Variants in CSMD1 observed in about 807,000 individuals in gnomAD.
The protein encoded by CSMD1 is CUB and sushi domain-containing protein 1.
Under a neutral mutation model 417.5 loss-of-function variants are expected in CSMD1, and 213 were observed. The ratio of observed to expected loss-of-function variants is 0.51; its 90% CI spans 0.46 to 0.57. CSMD1 has a LOEUF of 0.57. Ranked by LOEUF, CSMD1 falls within the 20% of genes least tolerant of loss-of-function variation. The pLI is 0.00. For missense variants in CSMD1, 6,923 were observed against 4,529.7 expected, an observed-to-expected ratio of 1.53 and a Z score of -15.17; for synonymous variants, 2,862 against 1,736.8, an observed-to-expected ratio of 1.65 and a Z score of -16.11.
intron 4 of CSMD1, among the ~76,000 whole-genome samples, chr8:4,000,944 T>C (rs558802119): frequency 1.2e-4 from 18 of 152,188 alleles, no homozygotes; most frequent in African/African-American, 1.9e-4. Flanking sequence ...AGTTGAAAGA[T>C]TAATGACATA....
intron 5 of CSMD1, among the ~76,000 whole-genome samples, chr8:3,867,187 A>G (rs866242587): frequency 2.0e-5 from 3 of 152,060 alleles, no homozygotes; most frequent in South Asian, 2.1e-4. Context: ...GGTCTTGTCA[A>G]TTGTATATAT....
At chr8:3,710,254 G>T (rs922833903) in intron 6 of CSMD1, among the ~76,000 whole-genome samples, 14 of 152,084 alleles carry the variant, frequency 9.2e-5, no homozygotes, top group African/African-American at 2.4e-4. Context: ...GATCCATGCA[G>T]TTTAAACCTA....
intron 17 of CSMD1, among the ~76,000 whole-genome samples, chr8:3,395,719 C>A (rs1384809485): frequency 6.6e-6 from 1 of 152,112 alleles, no homozygotes; most frequent in African/African-American, 2.4e-5. Context: ...AATTCCTTCG[C>A]CTCTTGTTAC....
chr8:4,895,515 T>G (rs556110480), intron 1 of CSMD1, among the ~76,000 whole-genome samples: 1 of 152,278 alleles, frequency 6.6e-6, no homozygotes, highest in Admixed American at 6.5e-5. Context: ...ACAGTCTTTT[T>G]ATACAAATTT....
At chr8:4,015,661 T>TTAA (rs11454267) in intron 4 of CSMD1, among the ~76,000 whole-genome samples, 11 of 97,490 alleles carry the variant, frequency 1.1e-4, no homozygotes, top group African/African-American at 4.6e-4. Flanking sequence ...GTTTGAATCT[T>TTAA]AAAAAAAAAA....
chr8:4,291,806 T>C (rs1797383549), intron 3 of CSMD1, among the ~76,000 whole-genome samples: 1 of 152,202 alleles, frequency 6.6e-6, no homozygotes, highest in Admixed American at 6.5e-5. Context: ...TAATATCTGG[T>C]TCTGAAATGT....
intron 3 of CSMD1, among the ~76,000 whole-genome samples, chr8:4,320,908 G>T (rs146071216): frequency 6.6e-6 from 1 of 152,064 alleles, no homozygotes; most frequent in African/African-American, 2.4e-5. Context: ...TTCACTTATA[G>T]TATCTTCTTC....
chr8:4,204,264 G>GAA (rs555848325), intron 3 of CSMD1, among the ~76,000 whole-genome samples: 5 of 143,888 alleles, frequency 3.5e-5, no homozygotes, highest in African/African-American at 1.3e-4. Context: ...GCAATGCTAG[G>GAA]AAAAAAAAAA....
intron 1 of CSMD1, among the ~76,000 whole-genome samples, chr8:4,974,698 G>C (rs1419430975): frequency 6.6e-6 from 1 of 152,198 alleles, no homozygotes; most frequent in African/African-American, 2.4e-5. Context: ...GAGTAAGACA[G>C]ATGTCGAAGG....
chr8:3,675,654 C>A lies in CSMD1; in HGVS notation c.1009+32760G>T, dbSNP rs565960760. Among the ~76,000 whole-genome samples the A allele has an allele frequency of 1.2e-4, 18 of 152,244 alleles. No individual in the cohort carries two copies. The East Asian group carries it at 2.1e-3, about 18-fold the overall frequency. On this transcript the variant is annotated intron_variant, in intron 7 of 69. Transcript: ENST00000635120. ...GGAAACCAGGGTGTTCTCTGCCACT[C>A]AAGGACACAATTAGAAGATGCCATC... is the stretch of plus-strand genomic sequence containing the variant.
At chr8:4,402,144 G>A (rs764047501) in intron 3 of CSMD1, among the ~76,000 whole-genome samples, 2 of 151,924 alleles carry the variant, frequency 1.3e-5, no homozygotes, top group African/African-American at 2.4e-5. Context: ...TAGTCATATG[G>A]TCAGAGACCA....
At chr8:4,337,921 G>T (rs555805566) in intron 3 of CSMD1, among the ~76,000 whole-genome samples, 4 of 152,004 alleles carry the variant, frequency 2.6e-5, no homozygotes, top group African/African-American at 9.7e-5. Context: ...TGAACAAATC[G>T]TTTATCATTT....
chr8:3,921,520 A>G (rs1809262228), intron 5 of CSMD1, among the ~76,000 whole-genome samples: 1 of 151,968 alleles, frequency 6.6e-6, no homozygotes, highest in South Asian at 2.1e-4. Flanking sequence ...TTTTTCATGT[A>G]GGCCATCATT....
At chr8:4,299,587 G>A (rs777212880) in intron 3 of CSMD1, among the ~76,000 whole-genome samples, 1 of 152,090 alleles carries the variant, frequency 6.6e-6, no homozygotes, top group African/African-American at 2.4e-5. Context: ...TCAGAAATAT[G>A]CCCCATATTG....
At chr8:4,403,567 G>C (rs973262745) in intron 3 of CSMD1, among the ~76,000 whole-genome samples, 29 of 152,100 alleles carry the variant, frequency 1.9e-4, no homozygotes, top group African/African-American at 6.8e-4. Flanking sequence ...TTCCTGAAAG[G>C]CTTGAGTTGA....
rs187875219 is a variant in CSMD1 at position 4,807,155 on chromosome 8, C to T, written c.86-169597G>A. 2.9e-3 allele frequency among the ~76,000 whole-genome samples: 438 copies of T among 152,296 alleles called. 3 individuals are homozygous for T. The highest frequency in any genetic ancestry group is 0.014 in the Middle Eastern group (4 of 294). ...AGAAGACTACTCGAGTAATTTAGGA[C>T]TGTGATTAAAGTGGATGACATTATT... On this transcript the variant is annotated intron_variant, in intron 1 of 69. Coordinates refer to ENST00000635120, the MANE Select transcript of CSMD1 (RefSeq NM_033225.6).
intron 22 of CSMD1, among the ~76,000 whole-genome samples, chr8:3,343,713 G>A (rs929001424): frequency 5.3e-5 from 8 of 151,972 alleles, no homozygotes; most frequent in African/African-American, 1.7e-4. Context: ...CTCTTTCTGT[G>A]TTCATTTAAA....
chr8:4,116,405 C>A (rs141987003), intron 3 of CSMD1, among the ~76,000 whole-genome samples: 1 of 151,918 alleles, frequency 6.6e-6, no homozygotes, highest in East Asian at 1.9e-4. Context: ...ATGAATGAAC[C>A]CTAACGTAAG....
intron 5 of CSMD1, among the ~76,000 whole-genome samples, chr8:3,877,016 G>A (rs35969831): frequency 6.6e-6 from 1 of 152,162 alleles, no homozygotes; most frequent in Non-Finnish European, 1.5e-5. Flanking sequence ...CATATGAAAT[G>A]TGAGCATTTT....
Sources: gnomAD v4.1 joint callset for allele counts (sites outside exome capture counted in the v4.1 genomes callset) on GRCh38, gnomAD v4.1.1 for gene constraint, MANE v1.5 for transcripts, NCBI Gene and HGNC (gene_info 2026-07-23, HGNC 2026-07-21) for gene names.